The following ACSL4 variants were observed in gnomAD, a reference collection of about 807,000 sequenced individuals.
ACSL4 encodes the protein long-chain-fatty-acid--CoA ligase 4.
A neutral mutation model predicts 49.1 loss-of-function variants in ACSL4; 9 were observed. That is an observed-to-expected ratio of 0.18 (90% CI 0.11 to 0.32). ACSL4 has a LOEUF of 0.32. Ranked by LOEUF, ACSL4 falls within the 10% of genes least tolerant of loss-of-function variation. The pLI is 1.00. For synonymous variants in ACSL4, 191 were observed against 170.3 expected (o/e 1.12, Z -0.95); for missense variants, 333 against 493.7 (o/e 0.67, Z 3.08).
chrX:109,647,998 C>T, intron 15 of ACSL4, among the ~76,000 whole-genome samples: 1 of 111,391 alleles, frequency 9.0e-6, no homozygotes. Context: ...CCTGAATAGA[C>T]CAATAAAAAG....
At chrX:109,719,711 C>G (rs1309113517) in intron 1 of ACSL4, among the ~76,000 whole-genome samples, 2 of 112,288 alleles carry the variant, frequency 1.8e-5, no homozygotes, top group African/African-American at 6.5e-5. Context: ...TTCCGCCGGG[C>G]GTGGTGGCTC....
intron 15 of ACSL4, among the ~76,000 whole-genome samples, chrX:109,654,040 C>T (rs1415912807): frequency 9.2e-6 from 1 of 109,220 alleles, no homozygotes; most frequent in African/African-American, 3.3e-5. Context: ...GGAATTCACA[C>T]TAAGAAAATA....
intron 15 of ACSL4, among the ~76,000 whole-genome samples, chrX:109,647,289 CA>C (rs1238546236): frequency 9.0e-6 from 1 of 111,622 alleles, no homozygotes; most frequent in African/African-American, 3.3e-5. Context: ...CTCTCCTCAG[CA>C]AATGTAAAAG....
At chrX:109,726,826 A>G (rs777989307) in intron 1 of ACSL4, among the ~76,000 whole-genome samples, 1 of 110,261 alleles carries the variant, frequency 9.1e-6, no homozygotes, top group South Asian at 3.8e-4. Flanking sequence ...CTACAGGCAC[A>G]TGCCACCATG....
At chrX:109,699,361 G>A (rs1421151768) in intron 1 of ACSL4, among the ~76,000 whole-genome samples, 1 of 112,082 alleles carries the variant, frequency 8.9e-6, no homozygotes, top group Non-Finnish European at 1.9e-5. Context: ...AAAACAAAAA[G>A]AAAAACATTA....
At chrX:109,712,844 T>C (rs1039292706) in intron 1 of ACSL4, among the ~76,000 whole-genome samples, 2 of 110,999 alleles carry the variant, frequency 1.8e-5, no homozygotes, top group African/African-American at 3.3e-5. Flanking sequence ...CACACGACTG[T>C]AGTCTCAGCT....
At chrX:109,697,253 T>C (rs957929178) in intron 1 of ACSL4, among the ~76,000 whole-genome samples, 9 of 111,817 alleles carry the variant, frequency 8.0e-5, no homozygotes, top group Non-Finnish European at 1.5e-4. Flanking sequence ...CTGGGCATGA[T>C]GCTATATTCT....
intron 1 of ACSL4, among the ~76,000 whole-genome samples, chrX:109,709,753 G>A (rs1282959516): frequency 2.7e-5 from 3 of 112,694 alleles, no homozygotes; most frequent in Non-Finnish European, 5.6e-5. Context: ...TCGCTAAACT[G>A]GGTTGAGCCA....
rs771058235 is a variant in ACSL4 at position 109,660,181 on chromosome X, C to T, written c.1698-670G>A. ...CTATGGAATAGAAAAAAAAAATTTGCAAATCATATATCTGATAAGGGGTTA... is the reference window on the plus strand; with the variant it reads ...CTATGGAATAGAAAAAAAAAATTTGTAAATCATATATCTGATAAGGGGTTA... On this transcript the variant is annotated intron_variant, in intron 14 of 15. Transcript: ENST00000672401. Among the ~76,000 whole-genome samples, 10 of 110,597 alleles carry T rather than the reference C, an allele frequency of 9.0e-5. No homozygotes were observed. The South Asian group carries it at 3.7e-3, about 41-fold the overall frequency.
intron 7 of ACSL4, 47 bp downstream of exon 7, chrX:109,678,218 G>A (rs1459909641): frequency 5.0e-6 from 6 of 1,206,457 alleles, no homozygotes; most frequent in Non-Finnish European, 6.7e-6. Flanking sequence ...AGAGAATGCT[G>A]AACATGAACT....
At chrX:109,663,427 T>A (rs1335927303) in intron 12 of ACSL4, 25 bp from the exon 13 acceptor site, 2 of 1,162,498 alleles carry the variant, frequency 1.7e-6, no homozygotes, top group Non-Finnish European at 2.3e-6. Context: ...AGTAAATTAG[T>A]TATTGTTCTA....
At chrX:109,714,308 T>C (rs1926961783) in intron 1 of ACSL4, among the ~76,000 whole-genome samples, 1 of 112,315 alleles carries the variant, frequency 8.9e-6, no homozygotes, top group Admixed American at 9.4e-5. Flanking sequence ...AGCTGTACAG[T>C]GTGTTTGTTT....
intron 8 of ACSL4, among the ~76,000 whole-genome samples, chrX:109,677,060 C>T (rs1244173561): frequency 1.8e-5 from 2 of 109,996 alleles, no homozygotes; most frequent in African/African-American, 6.6e-5. Context: ...CCCAGGTTCA[C>T]GCCATTCTCC....
intron 15 of ACSL4, among the ~76,000 whole-genome samples, chrX:109,650,111 C>T (rs1934951600): frequency 9.0e-6 from 1 of 111,696 alleles, no homozygotes; most frequent in Non-Finnish European, 1.9e-5. Flanking sequence ...TTGTGGAAGT[C>T]AGTGTGGTGA....
chrX:109,653,322 G>A (rs1490644549), intron 15 of ACSL4, among the ~76,000 whole-genome samples: 2 of 111,687 alleles, frequency 1.8e-5, no homozygotes, highest in Admixed American at 9.5e-5. Context: ...TGGAGAGGAT[G>A]TGGAGAAATA....
intron 1 of ACSL4, among the ~76,000 whole-genome samples, chrX:109,731,772 A>G (rs896319680): frequency 8.1e-5 from 9 of 111,663 alleles, no homozygotes; most frequent in Non-Finnish European, 1.7e-4. Flanking sequence ...TTCTAACAGG[A>G]GTCTTACATG....
chrX:109,726,493 A>C (rs1216170108), intron 1 of ACSL4, among the ~76,000 whole-genome samples: 1 of 112,075 alleles, frequency 8.9e-6, no homozygotes, highest in East Asian at 2.8e-4. Flanking sequence ...AGTAGTAAAA[A>C]AATTTACTGT....
At chrX:109,680,904 T>C (rs1209319580) in intron 6 of ACSL4, 94 bp downstream of exon 6, 6 of 960,584 alleles carry the variant, frequency 6.2e-6, no homozygotes, top group Non-Finnish European at 8.7e-6. Context: ...GTCAAAGAAC[T>C]TTTGTGGATT....
chrX:109,647,287 A>G (rs1056176627), intron 15 of ACSL4, among the ~76,000 whole-genome samples: 10 of 111,921 alleles, frequency 8.9e-5, no homozygotes, highest in African/African-American at 3.2e-4. Context: ...AGCTCTCCTC[A>G]GCAAATGTAA....
Sources: gnomAD v4.1 joint callset for allele counts (sites outside exome capture counted in the v4.1 genomes callset) on GRCh38, gnomAD v4.1.1 for gene constraint, MANE v1.5 for transcripts, NCBI Gene and HGNC (gene_info 2026-07-23, HGNC 2026-07-21) for gene names.